Variants in SLC2A9 observed in about 807,000 individuals in gnomAD.
The protein encoded by SLC2A9 is solute carrier family 2, facilitated glucose transporter member 9.
In SLC2A9, 39 loss-of-function variants were observed where a neutral mutation model predicts 50.6. The ratio of observed to expected loss-of-function variants is 0.77; its 90% CI spans 0.60 to 1.01. The LOEUF (loss-of-function observed/expected upper bound fraction) is 1.01, where lower values mean the gene tolerates loss of function less well. Ranked by LOEUF, SLC2A9 falls within the 50% of genes least tolerant of loss-of-function variation. The pLI, the probability that SLC2A9 is intolerant of heterozygous loss-of-function variation, is 0.00. For missense variants in SLC2A9, 686 were observed against 677.6 expected (o/e 1.01, Z -0.14); for synonymous variants, 324 against 276.9 (o/e 1.17, Z -1.69).
Position 10,018,963 on chromosome 4 carries a change from G to A in SLC2A9, c.249+12C>T, listed in dbSNP as rs1180491457. ...CCGCAGCGCCCTCTGCCGGGCCTTG[G>A]CGCGCACTCACCGGGGTGGGGGCAT... On this transcript the variant is annotated intron_variant, in intron 2 of 11. Coordinates refer to ENST00000264784, the MANE Select transcript of SLC2A9 (RefSeq NM_020041.3). 1.3e-6 allele frequency: 2 copies of A among 1,549,136 alleles called. No homozygotes were observed. The highest frequency in any genetic ancestry group is 2.4e-5 in the East Asian group (1 of 40,894).
At chr4:9,968,664 C>T (rs556527605) in intron 5 of SLC2A9, among the ~76,000 whole-genome samples, 1 of 152,260 alleles carries the variant, frequency 6.6e-6, no homozygotes, top group East Asian at 1.9e-4. Context: ...CAGTCATAGC[C>T]TTGGATATAC....
chr4:9,772,480 C>T (rs745875705), intron 1 of SLC2A9, among the ~76,000 whole-genome samples: 4 of 152,160 alleles, frequency 2.6e-5, no homozygotes, highest in Non-Finnish European at 4.4e-5. Flanking sequence ...CTGGTCTGAC[C>T]GGAGGCTCTA....
chr4:9,994,449 A>C (rs1758258341), intron 3 of SLC2A9, among the ~76,000 whole-genome samples: 1 of 152,082 alleles, frequency 6.6e-6, no homozygotes, highest in Non-Finnish European at 1.5e-5. Flanking sequence ...GGGGCATAAC[A>C]ACCAACACAT....
At chr4:9,957,753 C>A (rs1379773630) in intron 5 of SLC2A9, among the ~76,000 whole-genome samples, 2 of 151,872 alleles carry the variant, frequency 1.3e-5, no homozygotes, top group African/African-American at 4.8e-5. Context: ...CCATAAAGAA[C>A]AAAATGATAA....
intron 3 of SLC2A9, among the ~76,000 whole-genome samples, chr4:9,786,013 T>C (rs1410778392): frequency 1.3e-5 from 2 of 151,874 alleles, no homozygotes; most frequent in East Asian, 3.9e-4. Flanking sequence ...GGAAGGAGAG[T>C]AATTCAGGCG....
At chr4:9,876,893 G>A (rs1326106143) in intron 10 of SLC2A9, among the ~76,000 whole-genome samples, 1 of 152,162 alleles carries the variant, frequency 6.6e-6, no homozygotes, top group Admixed American at 6.5e-5. Context: ...CTACTATTTA[G>A]TTTTAAGTCT....
At chr4:9,841,320 T>C (rs1728052745) in intron 10 of SLC2A9, among the ~76,000 whole-genome samples, 1 of 152,194 alleles carries the variant, frequency 6.6e-6, no homozygotes, top group Non-Finnish European at 1.5e-5. Context: ...GACTTTGTTC[T>C]CTTGTTTTCT....
intron 10 of SLC2A9, among the ~76,000 whole-genome samples, chr4:9,856,691 T>C (rs1484141722): frequency 6.6e-6 from 1 of 151,662 alleles, no homozygotes; most frequent in Non-Finnish European, 1.5e-5. Flanking sequence ...CTATTCACAA[T>C]AGCAAAGACA....
chr4:9,995,076 A>G (rs1214668158), intron 3 of SLC2A9, among the ~76,000 whole-genome samples: 1 of 152,126 alleles, frequency 6.6e-6, no homozygotes, highest in Non-Finnish European at 1.5e-5. Context: ...AAAGATCATG[A>G]TTCCAGCCTA....
intron 3 of SLC2A9, among the ~76,000 whole-genome samples, chr4:9,806,782 T>C (rs1199391927): frequency 6.6e-6 from 1 of 152,188 alleles, no homozygotes; most frequent in African/African-American, 2.4e-5. Flanking sequence ...TAATGTTTCT[T>C]TAGGCTGGAA....
chr4:9,856,504 T>A (rs1730731079), intron 10 of SLC2A9, among the ~76,000 whole-genome samples: 1 of 152,222 alleles, frequency 6.6e-6, no homozygotes, highest in African/African-American at 2.4e-5. Context: ...AGAAAGCTTA[T>A]ATACTGTTGG....
intron 5 of SLC2A9, among the ~76,000 whole-genome samples, chr4:9,949,383 T>G (rs1438830472): frequency 2.0e-5 from 3 of 152,218 alleles, no homozygotes; most frequent in Non-Finnish European, 4.4e-5. Context: ...CTTAAAATAC[T>G]TTTTATAAAA....
chr4:9,939,467 G>A (rs577399523), intron 6 of SLC2A9, among the ~76,000 whole-genome samples: 1 of 152,220 alleles, frequency 6.6e-6, no homozygotes, highest in African/African-American at 2.4e-5. Context: ...ACAGTGCCGA[G>A]CATGGTGCTA....
At chr4:9,943,089 C>G (rs550458406) in intron 5 of SLC2A9, among the ~76,000 whole-genome samples, 29 of 152,298 alleles carry the variant, frequency 1.9e-4, no homozygotes, top group African/African-American at 6.7e-4. Flanking sequence ...CCACCTCTCC[C>G]CCAGCTGCCC....
rs199687249 is a variant in SLC2A9, at chr4:9,782,191, C to T, written n.386-2126G>A. The T allele has an allele frequency of 2.8e-4, 443 of 1,607,472 alleles. 2 individuals are homozygous for T. The East Asian group carries it at 9.8e-3, about 36-fold the overall frequency. On this transcript the variant is annotated intron_variant and non_coding_transcript_variant, in intron 3 of 3. Transcript: ENST00000503803. ...TGCTGACCCTACTCATCATCTGGAC[C>T]CTGCTGGGCAACGTGCTGGTGTGCG...
chr4:9,777,121 A>G (rs1258566582), downstream of SLC2A9, among the ~76,000 whole-genome samples: 12 of 152,066 alleles, frequency 7.9e-5, no homozygotes, highest in East Asian at 1.9e-3. Flanking sequence ...GAAATTGTTT[A>G]TTTCTCTCTC....
At chr4:10,004,473 C>T (rs765768001) in intron 2 of SLC2A9, among the ~76,000 whole-genome samples, 41 of 152,154 alleles carry the variant, frequency 2.7e-4, no homozygotes, top group Non-Finnish European at 4.3e-4. Flanking sequence ...GCCTGCTCCA[C>T]GCTTGCTCCT....
chr4:9,900,371 C>T (rs899632970), intron 8 of SLC2A9, among the ~76,000 whole-genome samples: 1 of 152,080 alleles, frequency 6.6e-6, no homozygotes, highest in African/African-American at 2.4e-5. Flanking sequence ...GGAGCACATC[C>T]CAAGAGTCAG....
intron 3 of SLC2A9, among the ~76,000 whole-genome samples, chr4:9,805,901 T>A (rs1337164331): frequency 6.6e-6 from 1 of 152,212 alleles, no homozygotes; most frequent in Non-Finnish European, 1.5e-5. Context: ...TTCTTACTAT[T>A]TTCCCCATTT....
Sources: allele counts gnomAD v4.1 joint callset (sites outside exome capture counted in the v4.1 genomes callset), GRCh38; gene constraint gnomAD v4.1.1; transcripts MANE v1.5; gene names NCBI Gene and HGNC (gene_info 2026-07-23, HGNC 2026-07-21).